The following BIN3 variants were observed in gnomAD, a reference collection of about 807,000 sequenced individuals.
The protein encoded by BIN3 is bridging integrator 3.
A neutral mutation model predicts 38.2 loss-of-function variants in BIN3; 41 were observed. The observed-to-expected ratio is 1.07, with a 90% CI of 0.84 to 1.39. The LOEUF (loss-of-function observed/expected upper bound fraction) is 1.39, where lower values mean the gene tolerates loss of function less well. Ranked by LOEUF, BIN3 falls within the 40% of genes most tolerant of loss-of-function variation. The pLI is 0.00. For missense variants in BIN3, 361 were observed against 324.3 expected, an observed-to-expected ratio of 1.11 and a Z score of -0.87; for synonymous variants, 145 against 122.6, an observed-to-expected ratio of 1.18 and a Z score of -1.21.
intron 4 of BIN3, 43 bp from the exon 5 acceptor site, chr8:22,630,621 G>C: frequency 6.2e-7 from 1 of 1,609,314 alleles, no homozygotes; most frequent in Non-Finnish European, 8.5e-7. Context: ...TGAAGGGGCA[G>C]GTTTCACGGC....
chr8:22,667,063 G>T (rs1211145491), intron 1 of BIN3, among the ~76,000 whole-genome samples: 3 of 152,182 alleles, frequency 2.0e-5, no homozygotes, highest in African/African-American at 7.2e-5. Context: ...TGAGAGACAG[G>T]GTCAGGGTCC....
chr8:22,643,891 C>G (rs1802638688), intron 2 of BIN3, among the ~76,000 whole-genome samples: 2 of 152,270 alleles, frequency 1.3e-5, no homozygotes, highest in African/African-American at 4.8e-5. Flanking sequence ...ATGTTAAAAC[C>G]AAGAGACCCA....
rs751194383 is a variant in BIN3 at position 22,661,352 on chromosome 8, C to CTTTTTTTTTTTTTTT, written c.8+7677_8+7691dup. ...ATAGTACAATGTTGAATGTATCATTCTTTTTTTTTTTTTTTTTTTTTTTGA... is the reference window on the plus strand; with the variant it reads ...ATAGTACAATGTTGAATGTATCATTCTTTTTTTTTTTTTTTTTTTTTTTTTTTTTTTTTTTTTTGA... On this transcript the variant is annotated intron_variant, in intron 1 of 8. Coordinates refer to ENST00000276416, the MANE Select transcript of BIN3 (RefSeq NM_018688.6). 1.3e-4 allele frequency among the ~76,000 whole-genome samples: 11 copies of CTTTTTTTTTTTTTTT among 84,446 alleles called. 1 individual carries two copies. The highest frequency in any genetic ancestry group is 8.2e-4 in the East Asian group (2 of 2,444). The allele number at this position is 84,446 out of a possible 152,430, so 55.4% of individuals were successfully genotyped here.
chr8:22,630,603 A>C, intron 4 of BIN3, 25 bp from the exon 5 acceptor site: 3 of 1,612,898 alleles, frequency 1.9e-6, no homozygotes, highest in Non-Finnish European at 2.5e-6. Context: ...AGCTCGGTGA[A>C]CCTTCTATGA....
At chr8:22,664,319 G>T (rs1386965604) in intron 1 of BIN3, among the ~76,000 whole-genome samples, 1 of 152,174 alleles carries the variant, frequency 6.6e-6, no homozygotes, top group Admixed American at 6.5e-5. Context: ...CCTGAAATAA[G>T]AGCAAGCTCA....
chr8:22,624,235 G>C lies in BIN3; in HGVS notation c.467C>G (p.Ala156Gly), dbSNP rs1367856988. 1 of 1,613,546 alleles carries C rather than the reference G, an allele frequency of 6.2e-7. No homozygotes were observed. The highest frequency in any genetic ancestry group is 8.5e-7 in the Non-Finnish European group (1 of 1,179,770). Residue 156 changes from alanine to glycine, a missense_variant, in exon 7 of 9, where the codon GCC becomes GGC. By Grantham distance (60) the Ala-to-Gly change is moderately conservative. Transcript: ENST00000276416. ...CTCCCCTGGTACCTGGTGGAGCTTG[G>C]CCAGCACTGGCCCCGTCTTCTCCTT... ...EEKEKTGPVL[A>G]KLHQAREELR...
At chr8:22,638,252 A>T (rs1802434530) in intron 2 of BIN3, among the ~76,000 whole-genome samples, 2 of 152,192 alleles carry the variant, frequency 1.3e-5, no homozygotes, top group South Asian at 4.1e-4. Flanking sequence ...TTAGCACTCC[A>T]CGTTTGGATT....
rs558380572 is a variant in BIN3, at chr8:22,631,819, G to A, written c.161-1241C>T. ...GATGGGAAGCCTGGGAGTCACAGGC[G>A]GCTCAGAGGCGGGCTGGAGACCTGC... On this transcript the variant is annotated intron_variant, in intron 4 of 8. Coordinates refer to ENST00000276416, the MANE Select transcript of BIN3 (RefSeq NM_018688.6). Among the ~76,000 whole-genome samples the A allele has an allele frequency of 5.3e-5, 8 of 152,326 alleles. No individual in the cohort carries two copies. In the South Asian group the frequency reaches 6.2e-4, roughly 12 times the overall value.
chr8:22,648,847 C>T lies in BIN3; in HGVS notation c.9-4044G>A, dbSNP rs111388346. On this transcript the variant is annotated intron_variant, in intron 1 of 8. Transcript: ENST00000276416. ...AAACTGTTCCAGCTTTCACCACTGG[C>T]AGCTCTTTCAGTTGGCTTCTGTGTC... is the stretch of plus-strand genomic sequence containing the variant. 5.8e-3 allele frequency among the ~76,000 whole-genome samples: 882 copies of T among 152,240 alleles called. 10 individuals are homozygous for T. The highest frequency in any genetic ancestry group is 0.02 in the African/African-American group (839 of 41,538).
intron 2 of BIN3, chr8:22,644,443 T>C (rs1281132252): frequency 1.2e-5 from 4 of 328,888 alleles, no homozygotes; most frequent in African/African-American, 2.1e-5. Flanking sequence ...AGGAAAAGTA[T>C]AGACCACAAG....
At chr8:22,662,693 A>G (rs1482789579) in intron 1 of BIN3, among the ~76,000 whole-genome samples, 1 of 152,218 alleles carries the variant, frequency 6.6e-6, no homozygotes, top group Non-Finnish European at 1.5e-5. Context: ...TCTTTGCAGA[A>G]CATCTATCAC....
At chr8:22,646,080 C>T (rs1440805700) in intron 1 of BIN3, among the ~76,000 whole-genome samples, 3 of 152,186 alleles carry the variant, frequency 2.0e-5, no homozygotes. Context: ...GTGACGGCTG[C>T]ACTGGGACTC....
intron 4 of BIN3, among the ~76,000 whole-genome samples, chr8:22,632,304 C>T (rs1404904245): frequency 6.6e-6 from 1 of 152,194 alleles, no homozygotes; most frequent in Admixed American, 6.5e-5. Flanking sequence ...TCTGCCTCCG[C>T]CAGGCCCCTT....
At chr8:22,659,716 C>G (rs1486531776) in intron 1 of BIN3, among the ~76,000 whole-genome samples, 2 of 152,184 alleles carry the variant, frequency 1.3e-5, no homozygotes, top group African/African-American at 4.8e-5. Context: ...CTCACTCTGC[C>G]TATTACCAGC....
chr8:22,632,663 C>T (rs1219514382), intron 4 of BIN3, among the ~76,000 whole-genome samples: 1 of 149,832 alleles, frequency 6.7e-6, no homozygotes, highest in Non-Finnish European at 1.5e-5. Context: ...AGGAAAACAA[C>T]CCAAAAAGCC....
At chr8:22,644,547 A>C (rs1374312193) in intron 2 of BIN3, 6 of 550,190 alleles carry the variant, frequency 1.1e-5, no homozygotes, top group East Asian at 3.1e-5. Context: ...TAAAGAGCCC[A>C]GGCTAACCTT....
At chr8:22,626,594 G>A (rs926127301) in intron 6 of BIN3, 3 of 152,230 alleles carry the variant, frequency 2.0e-5, no homozygotes, top group African/African-American at 7.2e-5. Flanking sequence ...TGGGTGCCTG[G>A]GAGCTGCCGG....
chr8:22,666,564 G>C (rs1006657750), intron 1 of BIN3, among the ~76,000 whole-genome samples: 2 of 152,160 alleles, frequency 1.3e-5, no homozygotes, highest in African/African-American at 4.8e-5. Context: ...TGGGTGTATG[G>C]GGAGTGGATG....
chr8:22,635,098 G>A (rs1048840621), intron 4 of BIN3, among the ~76,000 whole-genome samples: 3 of 152,116 alleles, frequency 2.0e-5, no homozygotes, highest in Non-Finnish European at 2.9e-5. Flanking sequence ...TAGGGCCTCC[G>A]CGCTTGCTGT....
Sources: allele counts gnomAD v4.1 joint callset (sites outside exome capture counted in the v4.1 genomes callset), GRCh38; gene constraint gnomAD v4.1.1; transcripts MANE v1.5; gene names NCBI Gene and HGNC (gene_info 2026-07-23, HGNC 2026-07-21).